Variants in EML5 observed in about 807,000 individuals in gnomAD.
EML5 encodes EMAP like 5.
In EML5, 120 loss-of-function variants were observed where a neutral mutation model predicts 250.0. That is an observed-to-expected ratio of 0.48 (90% CI 0.41 to 0.56). EML5 has a LOEUF of 0.56. EML5 is among the 20% of genes least tolerant of loss of function. The pLI, the probability that EML5 is intolerant of heterozygous loss-of-function variation, is 0.00. For missense variants in EML5, 2,006 were observed against 2,437.6 expected, an observed-to-expected ratio of 0.82 and a Z score of 3.73; for synonymous variants, 771 against 806.5, an observed-to-expected ratio of 0.96 and a Z score of 0.75.
At position 88,740,536 on chromosome 14, in the gene EML5, G is replaced by T; in HGVS notation, c.562C>A (p.Arg188=). The T allele has an allele frequency of 6.2e-7, 1 of 1,612,962 alleles. No individual in the cohort carries two copies. Among genetic ancestry groups the T allele is most frequent in the South Asian group, 1.1e-5 (1 of 90,884 alleles). The part of the protein sequence containing the change: ...SLCGNALTPK[R]GVFGKTGDLQ... The stretch of plus-strand genomic sequence containing the variant: ...TCACCCGTCTTACCAAAGACACCTC[G>T]TTTTGGGGTCAGAGCATTTCCACAT... Residue 188 remains arginine (R), a synonymous_variant, in exon 5 of 44, where the codon CGA becomes AGA. Transcript: ENST00000554922.
chr14:88,631,728 C>G (rs2090449928), intron 33 of EML5, among the ~76,000 whole-genome samples: 1 of 152,098 alleles, frequency 6.6e-6, no homozygotes, highest in Admixed American at 6.5e-5. Context: ...TGAGATTGTG[C>G]CATTGCACTC....
intron 13 of EML5, among the ~76,000 whole-genome samples, chr14:88,702,892 C>A (rs904763944): frequency 1.3e-5 from 2 of 152,232 alleles, no homozygotes; most frequent in East Asian, 3.9e-4. Context: ...GTAGCTGGGA[C>A]TACTGCTGTG....
chr14:88,748,975 G>C (rs935413656), intron 2 of EML5, among the ~76,000 whole-genome samples: 2 of 151,202 alleles, frequency 1.3e-5, no homozygotes, highest in African/African-American at 4.9e-5. Flanking sequence ...CATGGCTCTA[G>C]AAGGAGAGAA....
In EML5 at chr14:88,616,824, C is replaced by CA; in HGVS notation, c.5697dup (p.Val1900CysfsTer18). On this transcript the variant is annotated frameshift_variant, in exon 42 of 44. Coordinates refer to ENST00000554922, the MANE Select transcript of EML5 (RefSeq NM_183387.3). LOFTEE classifies it high-confidence loss of function. ...GAATGAGATACACAGGCACAGTTGA[C>CA]ATCAGCTTTCTCAGCATGTCTGGAC... The CA allele has an allele frequency of 6.2e-7, 1 of 1,613,934 alleles. No individual in the cohort carries two copies. The highest frequency in any genetic ancestry group is 8.5e-7 in the Non-Finnish European group (1 of 1,179,858).
intron 21 of EML5, among the ~76,000 whole-genome samples, chr14:88,666,095 G>C (rs1243313823): frequency 6.6e-6 from 1 of 152,102 alleles, no homozygotes; most frequent in Non-Finnish European, 1.5e-5. Flanking sequence ...AAGAAATTAA[G>C]TTGATGAAAA....
At chr14:88,742,717 T>C (rs551876352) in intron 4 of EML5, among the ~76,000 whole-genome samples, 2 of 152,288 alleles carry the variant, frequency 1.3e-5, no homozygotes, top group South Asian at 4.1e-4. Flanking sequence ...ACAGTGCTTA[T>C]ATCATGTGCC....
At chr14:88,618,620 C>T in intron 40 of EML5, 30 bp downstream of exon 40, 1 of 1,581,502 alleles carries the variant, frequency 6.3e-7, no homozygotes. Flanking sequence ...GAAGAACTTG[C>T]CACCTGGGTA....
chr14:88,652,179 CT>C (rs1175975379), intron 27 of EML5, among the ~76,000 whole-genome samples: 1 of 152,116 alleles, frequency 6.6e-6, no homozygotes, highest in African/African-American at 2.4e-5. Context: ...TAATTTAATA[CT>C]TTGCCTCTTT....
intron 1 of EML5, among the ~76,000 whole-genome samples, chr14:88,767,495 C>T (rs549038710): frequency 6.6e-6 from 1 of 152,282 alleles, no homozygotes; most frequent in African/African-American, 2.4e-5. Flanking sequence ...ATACTTCCCA[C>T]AACTGGGCCT....
chr14:88,622,632 T>G lies in EML5; in HGVS notation c.4985A>C (p.Asp1662Ala), dbSNP rs1180325543. The change falls in exon 37 of 44, where the codon GAT becomes GCT. Residue 1662 changes from aspartate to alanine, a missense_variant. Around this residue, in one of 7 missense-constraint regions of EML5, gnomAD observed 405 missense variants for 523.3 expected, o/e 0.77. Coordinates refer to ENST00000554922, the MANE Select transcript of EML5 (RefSeq NM_183387.3). Reference protein sequence around the residue: ...AFRLETGQATDCVRSVCRGKG... With the variant: ...AFRLETGQATACVRSVCRGKG... ...GCCTCTGCACACAGAACGAACACAA[T>G]CTGTGGCTTGTCCTGTCTCAAGCCT... 6.2e-7 allele frequency: 1 copy of G among 1,610,082 alleles called. No homozygotes were observed. The highest frequency in any genetic ancestry group is 1.7e-5 in the Admixed American group (1 of 59,570).
chr14:88,730,273 C>T (rs1595700823), intron 7 of EML5, among the ~76,000 whole-genome samples: 2 of 152,084 alleles, frequency 1.3e-5, no homozygotes, highest in East Asian at 3.8e-4. Flanking sequence ...ACAATTTTTC[C>T]AACTCACAGG....
intron 21 of EML5, among the ~76,000 whole-genome samples, chr14:88,674,621 T>C (rs942315361): frequency 6.6e-6 from 1 of 152,158 alleles, no homozygotes; most frequent in African/African-American, 2.4e-5. Context: ...AACCACATCA[T>C]TCTGACCCTG....
intron 4 of EML5, among the ~76,000 whole-genome samples, chr14:88,741,355 A>G (rs1240573232): frequency 6.6e-6 from 1 of 152,180 alleles, no homozygotes; most frequent in Non-Finnish European, 1.5e-5. Flanking sequence ...ATAATATTTG[A>G]TATTTTCAAA....
At chr14:88,773,235 T>G (rs1382228161) in intron 1 of EML5, among the ~76,000 whole-genome samples, 3 of 152,248 alleles carry the variant, frequency 2.0e-5, no homozygotes, top group Non-Finnish European at 4.4e-5. Flanking sequence ...CACATAATTA[T>G]GACCTTCCAG....
intron 7 of EML5, among the ~76,000 whole-genome samples, chr14:88,727,028 C>A (rs973512021): frequency 4.0e-5 from 6 of 149,444 alleles, no homozygotes; most frequent in Non-Finnish European, 6.0e-5. Context: ...GCCACCCAAC[C>A]TGGCTATGTT....
intron 25 of EML5, among the ~76,000 whole-genome samples, chr14:88,659,198 C>T (rs1257837102): frequency 1.3e-5 from 2 of 151,580 alleles, no homozygotes; most frequent in South Asian, 2.1e-4. Flanking sequence ...ATACAAAACA[C>T]AGTGATAGCA....
rs559486172 is a variant in EML5 at position 88,659,866 on chromosome 14, T to C, written c.3676-1478A>G. ...ATCTAAAAATATTAATATGAGCAGT[T>C]ACTCAAGATCACCAGGAACTGAATA... On this transcript the variant is annotated intron_variant, in intron 25 of 43. Transcript: ENST00000554922. 2.0e-5 allele frequency among the ~76,000 whole-genome samples: 3 copies of C among 152,312 alleles called. No individual in the cohort carries two copies. In the East Asian group the frequency reaches 5.8e-4, roughly 29 times the overall value.
chr14:88,659,241 C>CT (rs201879199), intron 25 of EML5, among the ~76,000 whole-genome samples: 11,416 of 145,454 alleles, frequency 0.078, 663 homozygotes, highest in Admixed American at 0.22. Flanking sequence ...TGACGACTCT[C>CT]TTTTTTTTTT....
chr14:88,785,811 T>TC (rs2094545593), intron 1 of EML5, among the ~76,000 whole-genome samples: 1 of 152,214 alleles, frequency 6.6e-6, no homozygotes, highest in Admixed American at 6.5e-5. Context: ...CCTGCTTCCA[T>TC]CCTGCCCCTG....
Sources: allele counts gnomAD v4.1 joint callset (sites outside exome capture counted in the v4.1 genomes callset), GRCh38; gene constraint gnomAD v4.1.1; regional missense constraint gnomAD v4.1.1; transcripts MANE v1.5; gene names NCBI Gene and HGNC (gene_info 2026-07-23, HGNC 2026-07-21).